GPX5: variants seen among roughly 807,000 people sequenced by gnomAD.
GPX5 encodes the protein epididymal secretory glutathione peroxidase.
GPX5 carries 20 observed loss-of-function variants against 23.8 expected under a neutral mutation model. That is an observed-to-expected ratio of 0.84 (90% CI 0.59 to 1.22). GPX5 has a LOEUF of 1.22. Among genes scored for constraint, GPX5 ranks in the 50% most tolerant of loss-of-function variants. GPX5 has a pLI of 0.00. For missense variants in GPX5, 230 were observed against 266.6 expected (o/e 0.86, Z 0.96); for synonymous variants, 92 against 99.5 (o/e 0.92, Z 0.45).
chr6:28,533,170 T>C (rs995756051), intron 4 of GPX5, among the ~76,000 whole-genome samples: 1 of 149,034 alleles, frequency 6.7e-6, no homozygotes, highest in Admixed American at 6.8e-5. Flanking sequence ...TGATACAGTG[T>C]AGTAGGTACC....
At chr6:28,531,610 G>A (rs1247302453) in intron 2 of GPX5, among the ~76,000 whole-genome samples, 168 bp from the exon 3 acceptor site, 2 of 152,068 alleles carry the variant, frequency 1.3e-5, no homozygotes, top group Non-Finnish European at 2.9e-5. Context: ...CACGTCTGAA[G>A]ATCCGGCCTC....
intron 2 of GPX5, 64 bp from the exon 3 acceptor site, chr6:28,531,714 G>A (rs1308615298): frequency 7.6e-6 from 8 of 1,055,282 alleles, no homozygotes; most frequent in Non-Finnish European, 1.1e-5. Context: ...GTAACCCCAG[G>A]GAATCATCCT....
chr6:28,532,481 T>A lies in GPX5; in HGVS notation c.459+61T>A, dbSNP rs557024169. ...TCTAATATTGCTAACATAGAGTTGG[T>A]GTGGCAGAAATGGATCCAAGGGCTC... On this transcript the variant is annotated intron_variant, in intron 4 of 4. Coordinates refer to ENST00000412168, the MANE Select transcript of GPX5 (RefSeq NM_001509.3). 4.4e-6 allele frequency: 5 copies of A among 1,136,598 alleles called. No homozygotes were observed. The East Asian group carries it at 1.3e-4, about 29-fold the overall frequency. The allele number at this position is 1,136,598 out of a possible 1,614,324, so 70.4% of individuals were successfully genotyped here. A position where few individuals can be genotyped will look rare whatever the true frequency, so the allele number is the denominator to read the frequency against.
Position 28,531,943 on chromosome 6 carries a change from T to G in GPX5, c.359+48T>G, listed in dbSNP as rs772126290. On this transcript the variant is annotated intron_variant, in intron 3 of 4. Coordinates refer to ENST00000412168, the MANE Select transcript of GPX5 (RefSeq NM_001509.3). The stretch of plus-strand genomic sequence containing the variant: ...ATAGGAGGCGCCTGTGTACCTTTCC[T>G]CAGTCTCCAGAGGCCCTTCCAGCTC... 7.5e-6 allele frequency: 10 copies of G among 1,335,074 alleles called. 1 individual carries two copies. In the Admixed American group the frequency reaches 1.2e-4, roughly 16 times the overall value. 82.7% of individuals were successfully genotyped at this position (1,335,074 alleles called of 1,614,324 possible). A position where few individuals can be genotyped will look rare whatever the true frequency, so the allele number is the denominator to read the frequency against.
rs1399113248 is a variant in GPX5, at chr6:28,533,930, A to G, written c.460-31A>G. The G allele has an allele frequency of 2.1e-6, 3 of 1,402,686 alleles. No homozygotes were observed. In the South Asian group the frequency reaches 4.6e-5, roughly 21 times the overall value. The allele number at this position is 1,402,686 out of a possible 1,614,324, so 86.9% of individuals were successfully genotyped here. On this transcript the variant is annotated intron_variant, in intron 4 of 4. Transcript: ENST00000412168. ...TGGATCATCCAGGAGCAGAAATAACATTGTTTCTCTTTTCCATCTCTCTGG... is the reference window on the plus strand; with the variant it reads ...TGGATCATCCAGGAGCAGAAATAACGTTGTTTCTCTTTTCCATCTCTCTGG...
intron 4 of GPX5, among the ~76,000 whole-genome samples, chr6:28,533,153 A>G (rs1763358378): frequency 6.6e-6 from 1 of 151,702 alleles, no homozygotes; most frequent in Non-Finnish European, 1.5e-5. Flanking sequence ...TAACAAACCA[A>G]CAGGTATGAT....
chr6:28,531,370 C>CAAAAAAAAAAAAAAA (rs1193939654), intron 2 of GPX5, among the ~76,000 whole-genome samples: 4 of 50,108 alleles, frequency 8.0e-5, no homozygotes, highest in Non-Finnish European at 1.4e-4. Context: ...GAATCTGTCT[C>CAAAAAAAAAAAAAAA]AAAAAAAAAA....
At chr6:28,530,650 C>T (rs1032688294) in intron 2 of GPX5, among the ~76,000 whole-genome samples, 8 of 152,190 alleles carry the variant, frequency 5.3e-5, no homozygotes, top group African/African-American at 1.9e-4. Context: ...ATCATTTCCT[C>T]ATTCTTTCTT....
chr6:28,527,247 A>G (rs764075620), intron 1 of GPX5, among the ~76,000 whole-genome samples: 16 of 152,162 alleles, frequency 1.1e-4, no homozygotes, highest in Non-Finnish European at 2.2e-4. Flanking sequence ...TCATTGCAGT[A>G]GCAAAAGAAA....
At chr6:28,532,672 T>G (rs380879) in intron 4 of GPX5, among the ~76,000 whole-genome samples, 28,633 of 152,152 alleles carry the variant, frequency 0.19, 3,515 homozygotes, top group East Asian at 0.49. Flanking sequence ...CACCCTCTTT[T>G]GCTCATTGAC....
chr6:28,529,693 A>C (rs1763277226), intron 2 of GPX5, 89 bp downstream of exon 2: 1 of 952,672 alleles, frequency 1.0e-6, no homozygotes, highest in African/African-American at 1.7e-5. Context: ...TTTTAATTAT[A>C]ATTATGTACC....
Position 28,525,949 on chromosome 6 carries a change from C to A in GPX5, c.-65C>A, listed in dbSNP as rs567730719. On this transcript the variant is annotated 5_prime_UTR_variant, in exon 1 of 5. The change creates a premature stop within an existing upstream ORF in the 5' untranslated region. Transcript: ENST00000412168. The stretch of plus-strand genomic sequence containing the variant: ...CTTGGGCTAAGTCCCTGCCAAGATA[C>A]CAAAAGACTGCAGAGGTGGGCAAAG... 1.4e-5 allele frequency: 17 copies of A among 1,221,944 alleles called. No individual in the cohort carries two copies. The South Asian group carries it at 2.1e-4, about 15-fold the overall frequency. The allele number at this position is 1,221,944 out of a possible 1,614,324, so 75.7% of individuals were successfully genotyped here.
Position 28,530,043 on chromosome 6 carries a change from G to A in GPX5, c.241+439G>A, listed in dbSNP as rs139236470. 550 of 154,078 alleles carry A rather than the reference G, an allele frequency of 3.6e-3. 4 individuals are homozygous for A. Among genetic ancestry groups the A allele is most frequent in the African/African-American group, 0.012 (482 of 41,602 alleles). The allele number at this position is 154,078 out of a possible 1,614,324, so 9.5% of individuals were successfully genotyped here. A position where few individuals can be genotyped will look rare whatever the true frequency, so the allele number is the denominator to read the frequency against. On this transcript the variant is annotated intron_variant, in intron 2 of 4. Transcript: ENST00000412168. ...ATCAATATATACTTGAGAACTAGGA[G>A]CCTCTCAGAAGATTCCAGAAGTCTT... is the stretch of plus-strand genomic sequence containing the variant.
intron 3 of GPX5, 63 bp from the exon 4 acceptor site, chr6:28,532,258 G>A (rs777068203): frequency 2.1e-6 from 2 of 942,160 alleles, no homozygotes; most frequent in Non-Finnish European, 3.2e-6. Context: ...AAATCCTAGT[G>A]TCCCATTATA....
rs936674212 is a variant in GPX5 at position 28,525,885 on chromosome 6, G to T, written c.-129G>T. 1 of 721,650 alleles carries T rather than the reference G, an allele frequency of 1.4e-6. No individual in the cohort carries two copies. The highest frequency in any genetic ancestry group is 2.0e-5 in the Admixed American group (1 of 49,052). 44.7% of individuals were successfully genotyped at this position (721,650 alleles called of 1,614,324 possible). ...TGTGATCCTCACCCCGACCTCATGC[G>T]TCGGGAATCCTTGCAGCCCTGTGAC... On this transcript the variant is annotated 5_prime_UTR_variant, in exon 1 of 5. Transcript: ENST00000412168.
chr6:28,526,187 C>A (rs1763205482), intron 1 of GPX5, 87 bp downstream of exon 1: 1 of 972,154 alleles, frequency 1.0e-6, no homozygotes, highest in Non-Finnish European at 1.6e-6. Flanking sequence ...AAGACTCCAA[C>A]TCCTGCTTTC....
intron 1 of GPX5, 81 bp from the exon 2 acceptor site, chr6:28,529,370 T>A: frequency 2.6e-6 from 3 of 1,153,666 alleles, no homozygotes; most frequent in Non-Finnish European, 3.6e-6. Flanking sequence ...AGAACATAAC[T>A]ATTCTTTGAC....
At position 28,529,583 on chromosome 6, in the gene GPX5, G is replaced by T. The variant is rs1271480213; in HGVS notation, c.220G>T (p.Gly74Cys). ...ILFVNVATYC[G>C]LTAQYPELNA... ...CTTCGTCAACGTGGCCACCTACTGT[G>T]GTCTGACAGCGCAATATCCTGGTAA... The change falls in exon 2 of 5, where the codon GGT (glycine) becomes TGT (cysteine). Residue 74 changes from glycine (G) to cysteine (C), a missense_variant. By Grantham distance (159) the Gly-to-Cys change is radical. Transcript: ENST00000412168. 6.2e-7 allele frequency: 1 copy of T among 1,610,084 alleles called. No individual in the cohort carries two copies. The highest frequency in any genetic ancestry group is 2.2e-5 in the East Asian group (1 of 44,728).
rs1321262714 is a variant in GPX5 at position 28,534,708 on chromosome 6, G to C, written c.*541G>C. On this transcript the variant is annotated 3_prime_UTR_variant, in exon 5 of 5. Transcript: ENST00000412168. ...ACCTCCCCCTACCAGCCATTCTCCTGTGGGAGCAAGAACATTGCTTCAAAA... is the reference window on the plus strand; with the variant it reads ...ACCTCCCCCTACCAGCCATTCTCCTCTGGGAGCAAGAACATTGCTTCAAAA... 1 of 152,384 alleles carries C rather than the reference G, an allele frequency of 6.6e-6. No individual in the cohort carries two copies. Among genetic ancestry groups the C allele is most frequent in the Non-Finnish European group, 1.5e-5 (1 of 68,204 alleles). The allele number at this position is 152,384 out of a possible 1,614,324, so 9.4% of individuals were successfully genotyped here.
Sources: gnomAD v4.1 joint callset for allele counts (sites outside exome capture counted in the v4.1 genomes callset) on GRCh38, gnomAD v4.1.1 for gene constraint, MANE v1.5 for transcripts, NCBI Gene and HGNC (gene_info 2026-07-23, HGNC 2026-07-21) for gene names.